DCAF8L2: variants seen among roughly 807,000 people sequenced by gnomAD.
The protein encoded by DCAF8L2 is DDB1 and CUL4 associated factor 8 like 2.
For synonymous variants in DCAF8L2, 200 were observed against 190.9 expected (o/e 1.05, Z -0.39); for missense variants, 430 against 490.7 (o/e 0.88, Z 1.17).
the DCAF8L2 span, among the ~76,000 whole-genome samples, chrX:27,491,738 T>C: frequency 4.8e-5 from 5 of 104,078 alleles, no homozygotes; most frequent in Non-Finnish European, 9.8e-5. Context: ...GATCTCTAGT[T>C]ACTTTCAGTG....
At chrX:27,537,669 C>T in the DCAF8L2 span, among the ~76,000 whole-genome samples, 6 of 111,838 alleles carry the variant, frequency 5.4e-5, no homozygotes, top group African/African-American at 1.9e-4. Context: ...TAAAAAGTGG[C>T]ATATATTCTA....
chrX:27,612,863 A>C (rs1035420703), intron 1 of DCAF8L2, among the ~76,000 whole-genome samples: 1 of 111,511 alleles, frequency 9.0e-6, no homozygotes, highest in African/African-American at 3.3e-5. Context: ...CTTGTGGTAT[A>C]GTTTGAAGTC....
intron 2 of DCAF8L2, among the ~76,000 whole-genome samples, chrX:27,652,097 T>G (rs1163915691): frequency 9.0e-6 from 1 of 110,629 alleles, no homozygotes; most frequent in Non-Finnish European, 1.9e-5. Context: ...TAAGAAAAAT[T>G]GAACATGCAG....
chrX:27,649,528 T>C (rs980161547), intron 2 of DCAF8L2, among the ~76,000 whole-genome samples: 1 of 112,259 alleles, frequency 8.9e-6, no homozygotes, highest in Non-Finnish European at 1.9e-5. Flanking sequence ...AATATCTTAC[T>C]ATGGTTTTGA....
At chrX:27,498,063 T>A in the DCAF8L2 span, among the ~76,000 whole-genome samples, 2 of 112,463 alleles carry the variant, frequency 1.8e-5, no homozygotes, top group South Asian at 7.2e-4. Context: ...TCACATTTTG[T>A]TTATTCATTA....
At chrX:27,549,884 T>TC in the DCAF8L2 span, among the ~76,000 whole-genome samples, 16 of 111,489 alleles carry the variant, frequency 1.4e-4, no homozygotes, top group Non-Finnish European at 2.4e-4. Flanking sequence ...TCATGAGTCC[T>TC]CCCATGGGGC....
the DCAF8L2 span, among the ~76,000 whole-genome samples, chrX:27,492,773 G>A: frequency 1.8e-5 from 2 of 111,772 alleles, no homozygotes; most frequent in African/African-American, 6.5e-5. Context: ...GAGCCACCAC[G>A]CCCGGTTCCA....
chrX:27,487,605 G>C, the DCAF8L2 span, among the ~76,000 whole-genome samples: 2,494 of 112,102 alleles, frequency 0.022, 82 homozygotes, highest in African/African-American at 0.077. Context: ...TTTTGATATA[G>C]AGAAATTGAA....
At chrX:27,702,049 C>T (rs777065622) in intron 3 of DCAF8L2, among the ~76,000 whole-genome samples, 34 of 110,611 alleles carry the variant, frequency 3.1e-4, no homozygotes, top group Non-Finnish European at 5.1e-4. Flanking sequence ...ACCTTAGATA[C>T]GAGAAAATAA....
At chrX:27,614,374 T>C (rs916685486) in intron 1 of DCAF8L2, among the ~76,000 whole-genome samples, 3 of 111,571 alleles carry the variant, frequency 2.7e-5, no homozygotes, top group African/African-American at 9.8e-5. Context: ...TAGCGGTCTA[T>C]CAATTTTGTT....
At chrX:27,563,962 T>C in the DCAF8L2 span, among the ~76,000 whole-genome samples, 1 of 112,407 alleles carries the variant, frequency 8.9e-6, no homozygotes, top group African/African-American at 3.2e-5. Context: ...TGTCTCTTAC[T>C]CTTAAGTAAT....
the DCAF8L2 span, among the ~76,000 whole-genome samples, chrX:27,497,497 ATTCT>A: frequency 3.0e-5 from 2 of 66,068 alleles, no homozygotes; most frequent in African/African-American, 1.2e-4. Flanking sequence ...AAACACCATT[ATTCT>A]TTCTTTCTTT....
Position 27,749,298 on chromosome X carries a change from C to T in DCAF8L2, c.*507C>T, listed in dbSNP as rs1371418435. Among the ~76,000 whole-genome samples, 5 of 111,302 alleles carry T rather than the reference C, an allele frequency of 4.5e-5. No homozygotes were observed. Among genetic ancestry groups the T allele is most frequent in the Admixed American group, 3.9e-4 (4 of 10,378 alleles). ...AAGACAAACTACAGTTTTGTTCTGT[C>T]GATACTGACACTTGGCCGCACACAC... is the stretch of plus-strand genomic sequence containing the variant. On this transcript the variant is annotated 3_prime_UTR_variant, in exon 5 of 5. Coordinates refer to ENST00000451261, the MANE Select transcript of DCAF8L2 (RefSeq NM_001353450.2).
At chrX:27,500,576 T>C in the DCAF8L2 span, among the ~76,000 whole-genome samples, 20 of 111,902 alleles carry the variant, frequency 1.8e-4, 1 homozygote, top group East Asian at 5.3e-3. Context: ...AAATTCAATA[T>C]ATTTCCCTGG....
chrX:27,710,968 T>A lies in DCAF8L2; in HGVS notation c.-142-5120T>A, dbSNP rs73534368. ...TTTATCATGAATGGCTATTTGATTT[T>A]GTAAAACGATTTTTCTGCATCTCGT... On this transcript the variant is annotated intron_variant, in intron 3 of 4. Transcript: ENST00000451261. Among the ~76,000 whole-genome samples the A allele has an allele frequency of 7.8e-3, 872 of 112,229 alleles. 4 individuals are homozygous for A. Among genetic ancestry groups the A allele is most frequent in the African/African-American group, 0.027 (823 of 31,029 alleles).
intron 4 of DCAF8L2, among the ~76,000 whole-genome samples, chrX:27,726,423 C>T (rs915936301): frequency 3.6e-5 from 4 of 111,255 alleles, no homozygotes; most frequent in African/African-American, 9.8e-5. Context: ...AAGGTAGGTA[C>T]AACAATTTTA....
intron 4 of DCAF8L2, among the ~76,000 whole-genome samples, chrX:27,721,588 G>T (rs1345932447): frequency 1.8e-5 from 2 of 111,051 alleles, no homozygotes; most frequent in Non-Finnish European, 3.8e-5. Flanking sequence ...AGAGAAATTA[G>T]TTAGAAAACA....
At chrX:27,551,120 C>A in the DCAF8L2 span, among the ~76,000 whole-genome samples, 1 of 109,136 alleles carries the variant, frequency 9.2e-6, no homozygotes, top group Admixed American at 1.0e-4. Flanking sequence ...TATCTCTCTT[C>A]CTCTGCTTGG....
the DCAF8L2 span, among the ~76,000 whole-genome samples, chrX:27,506,808 A>G: frequency 1.8e-5 from 2 of 111,125 alleles, no homozygotes; most frequent in East Asian, 2.8e-4. Flanking sequence ...CCCTTTTATT[A>G]TAAGTACACT....
Sources: allele counts gnomAD v4.1 joint callset (sites outside exome capture counted in the v4.1 genomes callset), GRCh38; gene constraint gnomAD v4.1.1; transcripts MANE v1.5; gene names NCBI Gene and HGNC (gene_info 2026-07-23, HGNC 2026-07-21).